AGBL4: variants seen among roughly 807,000 people sequenced by gnomAD.
AGBL4 encodes cytosolic carboxypeptidase 6.
Under a neutral mutation model 66.4 loss-of-function variants are expected in AGBL4, and 58 were observed. The ratio of observed to expected loss-of-function variants is 0.87; its 90% CI spans 0.71 to 1.09. The LOEUF (loss-of-function observed/expected upper bound fraction) is 1.09. AGBL4 is among the 50% of genes least tolerant of loss of function. The pLI is 0.00. For synonymous variants in AGBL4, 234 were observed against 222.9 expected (o/e 1.05, Z -0.44); for missense variants, 579 against 631.0 (o/e 0.92, Z 0.88).
intron 1 of AGBL4, among the ~76,000 whole-genome samples, chr1:49,969,049 T>A (rs961267678): frequency 6.6e-6 from 1 of 152,230 alleles, no homozygotes; most frequent in Non-Finnish European, 1.5e-5. Flanking sequence ...CTTGTCTTTC[T>A]AGTAACATAC....
intron 5 of AGBL4, among the ~76,000 whole-genome samples, chr1:48,967,968 A>G (rs1004020044): frequency 7.9e-5 from 12 of 151,804 alleles, no homozygotes; most frequent in African/African-American, 2.9e-4. Flanking sequence ...TGCTTTTGTT[A>G]TTTGTTTTGT....
intron 9 of AGBL4, among the ~76,000 whole-genome samples, chr1:48,619,690 T>C (rs1197033667): frequency 6.6e-6 from 1 of 152,198 alleles, no homozygotes; most frequent in Admixed American, 6.5e-5. Context: ...CTCTTGTAAC[T>C]GGGAGCCTGA....
chr1:49,501,455 A>C lies in AGBL4; in HGVS notation c.282+195858T>G, dbSNP rs80261871. Among the ~76,000 whole-genome samples the C allele has an allele frequency of 4.7e-4, 71 of 152,138 alleles. No homozygotes were observed. The East Asian group carries it at 0.013, about 27-fold the overall frequency. ...CTGCCATCTTCCTCCTGCCAATAAC[A>C]GTCTTTTGTGATCCTCTGCATTTCT... On this transcript the variant is annotated intron_variant, in intron 3 of 13. Coordinates refer to ENST00000371839, the MANE Select transcript of AGBL4 (RefSeq NM_032785.4).
intron 3 of AGBL4, among the ~76,000 whole-genome samples, chr1:49,621,445 G>C (rs1289002760): frequency 6.6e-6 from 1 of 152,152 alleles, no homozygotes. Context: ...GCTGAGAAAG[G>C]TAAAAACACC....
chr1:48,555,214 C>G (rs1452325791), intron 11 of AGBL4, among the ~76,000 whole-genome samples: 1 of 150,808 alleles, frequency 6.6e-6, no homozygotes, highest in Non-Finnish European at 1.5e-5. Context: ...TGAGATAACT[C>G]TTTATTAAAC....
chr1:49,888,040 T>C (rs956757191), intron 1 of AGBL4, among the ~76,000 whole-genome samples: 3 of 152,126 alleles, frequency 2.0e-5, no homozygotes, highest in African/African-American at 7.2e-5. Context: ...TCAGATATTT[T>C]CAGACGGGAG....
intron 1 of AGBL4, among the ~76,000 whole-genome samples, chr1:49,873,386 A>C (rs1258215990): frequency 6.6e-6 from 1 of 152,098 alleles, no homozygotes; most frequent in Non-Finnish European, 1.5e-5. Context: ...AGATTTTAAA[A>C]AGAAAAGAGG....
At chr1:48,886,031 T>A in intron 5 of AGBL4, among the ~76,000 whole-genome samples, 1 of 152,128 alleles carries the variant, frequency 6.6e-6, no homozygotes, top group East Asian at 1.9e-4. Flanking sequence ...CTCCCCAAGA[T>A]GGAACCCACT....
intron 3 of AGBL4, among the ~76,000 whole-genome samples, chr1:49,613,356 GCACATGTAT>G (rs1478643513): frequency 3.3e-5 from 5 of 152,032 alleles, no homozygotes; most frequent in Admixed American, 6.6e-5. Context: ...TACCAAACCT[GCACATGTAT>G]CACCTAAACC....
At chr1:48,951,094 C>T (rs1042213002) in intron 5 of AGBL4, among the ~76,000 whole-genome samples, 28 of 152,294 alleles carry the variant, frequency 1.8e-4, no homozygotes, top group African/African-American at 5.3e-4. Context: ...GGGGAAGTAA[C>T]TAGACCAAGG....
intron 3 of AGBL4, among the ~76,000 whole-genome samples, chr1:49,652,211 A>G (rs957535421): frequency 6.6e-6 from 1 of 152,154 alleles, no homozygotes; most frequent in African/African-American, 2.4e-5. Flanking sequence ...AAATTACCAA[A>G]CCTAATGATG....
At chr1:48,884,627 A>C (rs752655804) in intron 5 of AGBL4, among the ~76,000 whole-genome samples, 1 of 152,342 alleles carries the variant, frequency 6.6e-6, no homozygotes. Flanking sequence ...ATACATTTAC[A>C]CAGATGTGTC....
At chr1:49,292,933 C>T (rs1272414785) in intron 3 of AGBL4, among the ~76,000 whole-genome samples, 1 of 152,208 alleles carries the variant, frequency 6.6e-6, no homozygotes, top group East Asian at 1.9e-4. Flanking sequence ...GCTGAAAGAG[C>T]TATAACACAA....
intron 3 of AGBL4, among the ~76,000 whole-genome samples, chr1:49,437,602 C>T (rs918537347): frequency 6.6e-6 from 1 of 152,002 alleles, no homozygotes; most frequent in Non-Finnish European, 1.5e-5. Flanking sequence ...GAGTCACCAC[C>T]CAGGAATATA....
chr1:49,037,318 A>T (rs1664746616), intron 5 of AGBL4, among the ~76,000 whole-genome samples: 1 of 151,914 alleles, frequency 6.6e-6, no homozygotes. Flanking sequence ...TGCCTGTGGG[A>T]AGGAAAGCCA....
At chr1:49,063,018 A>C (rs1410409473) in intron 4 of AGBL4, among the ~76,000 whole-genome samples, 1 of 152,214 alleles carries the variant, frequency 6.6e-6, no homozygotes, top group Non-Finnish European at 1.5e-5. Flanking sequence ...TAATTAAAAT[A>C]ATAACATGGA....
At chr1:49,088,542 G>C (rs541041410) in intron 4 of AGBL4, among the ~76,000 whole-genome samples, 1 of 152,188 alleles carries the variant, frequency 6.6e-6, no homozygotes, top group South Asian at 2.1e-4. Context: ...AATTCAACAA[G>C]AAGTTCTAGC....
chr1:49,735,334 T>C (rs1008569067), intron 2 of AGBL4, among the ~76,000 whole-genome samples: 60 of 138,986 alleles, frequency 4.3e-4, no homozygotes, highest in South Asian at 1.2e-3. Flanking sequence ...TGTGTGTGTG[T>C]AGAGAGAGAG....
chr1:49,070,098 C>T (rs1014234193), intron 4 of AGBL4, among the ~76,000 whole-genome samples: 1 of 151,836 alleles, frequency 6.6e-6, no homozygotes, highest in African/African-American at 2.4e-5. Flanking sequence ...CTGAGACTTT[C>T]CTGAAGATGT....
Sources: allele counts gnomAD v4.1 joint callset (sites outside exome capture counted in the v4.1 genomes callset), GRCh38; gene constraint gnomAD v4.1.1; transcripts MANE v1.5; gene names NCBI Gene and HGNC (gene_info 2026-07-23, HGNC 2026-07-21).